Variants in PRELID2 observed in about 807,000 individuals in gnomAD.
PRELID2 encodes the protein PRELI domain-containing protein 2.
PRELID2 carries 25 observed loss-of-function variants against 28.4 expected under a neutral mutation model. The observed-to-expected ratio is 0.88, with a 90% CI of 0.64 to 1.23. The LOEUF (loss-of-function observed/expected upper bound fraction) is 1.23. PRELID2 is among the 50% of genes most tolerant of loss of function. The probability of loss-of-function intolerance (pLI) is 0.00; values close to 1 mark genes in which losing one functional copy is unlikely to be tolerated. For synonymous variants in PRELID2, 76 were observed against 71.6 expected (o/e 1.06, Z -0.31); for missense variants, 201 against 214.4 (o/e 0.94, Z 0.39).
intron 1 of PRELID2, among the ~76,000 whole-genome samples, chr5:145,591,029 C>A (rs1197394020): frequency 6.6e-6 from 1 of 152,162 alleles, no homozygotes; most frequent in Non-Finnish European, 1.5e-5. Flanking sequence ...GGCATGGTGG[C>A]TCATGCCTGT....
At chr5:145,608,898 A>G (rs1034141144) in intron 1 of PRELID2, among the ~76,000 whole-genome samples, 2 of 152,060 alleles carry the variant, frequency 1.3e-5, no homozygotes, top group African/African-American at 4.8e-5. Flanking sequence ...GATTTGGTCT[A>G]TTTACATAAT....
At chr5:145,705,936 G>T (rs868464938) in intron 1 of PRELID2, among the ~76,000 whole-genome samples, 3 of 111,206 alleles carry the variant, frequency 2.7e-5, no homozygotes, top group African/African-American at 6.1e-5. Flanking sequence ...ACACATGTGC[G>T]CCTACACACA....
In PRELID2 at chr5:145,817,206, A is replaced by ATATAT. The variant is rs1423577359; in HGVS notation, c.368+687_368+688insATATA. 1.6e-3 allele frequency among the ~76,000 whole-genome samples: 101 copies of ATATAT among 62,788 alleles called. 1 individual carries two copies. The highest frequency in any genetic ancestry group is 5.3e-3 in the East Asian group (15 of 2,836). 41.2% of individuals were successfully genotyped at this position (62,788 alleles called of 152,430 possible). A position where few individuals can be genotyped will look rare whatever the true frequency, so the allele number is the denominator to read the frequency against. ...ACTGCATTTCAAAAAAAAATAAATA[A>ATATAT]ATAAATAAAAAAAAATATATATATA... On this transcript the variant is annotated intron_variant, in intron 4 of 6. Coordinates refer to ENST00000683046, the MANE Select transcript of PRELID2 (RefSeq NM_205846.3).
At chr5:145,649,454 C>A (rs990201208) in intron 1 of PRELID2, among the ~76,000 whole-genome samples, 10 of 152,130 alleles carry the variant, frequency 6.6e-5, no homozygotes, top group Non-Finnish European at 5.9e-5. Flanking sequence ...TTAAGGTAGA[C>A]CAGTCTAAGT....
intron 5 of PRELID2, among the ~76,000 whole-genome samples, chr5:145,785,177 C>A (rs1751909228): frequency 6.6e-6 from 1 of 152,062 alleles, no homozygotes; most frequent in African/African-American, 2.4e-5. Context: ...CTTTAAAAAT[C>A]CTATAAAATG....
At chr5:145,665,798 T>C (rs1306486215) in intron 1 of PRELID2, among the ~76,000 whole-genome samples, 2 of 152,098 alleles carry the variant, frequency 1.3e-5, no homozygotes, top group Non-Finnish European at 2.9e-5. Flanking sequence ...TGAAATTCTA[T>C]ACATCTTTCA....
chr5:145,445,004 T>G, the PRELID2 span, among the ~76,000 whole-genome samples: 2 of 152,052 alleles, frequency 1.3e-5, no homozygotes, highest in African/African-American at 4.8e-5. Flanking sequence ...ACCAATGACA[T>G]TCTTCACAGA....
At chr5:145,290,522 T>C in the PRELID2 span, among the ~76,000 whole-genome samples, 1 of 149,390 alleles carries the variant, frequency 6.7e-6, no homozygotes, top group African/African-American at 2.5e-5. Flanking sequence ...ACACCACATG[T>C]TCTCACTCAT....
chr5:145,708,145 G>A (rs989940001), intron 1 of PRELID2, among the ~76,000 whole-genome samples: 1 of 152,030 alleles, frequency 6.6e-6, no homozygotes, highest in African/African-American at 2.4e-5. Context: ...GAACAGGCCC[G>A]CTCTTCCCCT....
the PRELID2 span, among the ~76,000 whole-genome samples, chr5:145,387,829 G>T: frequency 7.2e-4 from 109 of 152,076 alleles, 1 homozygote; most frequent in African/African-American, 2.5e-3. Context: ...CTATTCTGGA[G>T]GCTGAGGTGG....
At position 145,533,038 on chromosome 5, in the gene PRELID2, T is replaced by C. The variant is rs147923637; in HGVS notation, n.71-59723A>G. On this transcript the variant is annotated intron_variant and non_coding_transcript_variant, in intron 1 of 2. Transcript: ENST00000510259. ...TATTTAATTGTTTGAGAGACCTCCA[T>C]GCTGGTTTTCATAACAGCTGTACTG... Among the ~76,000 whole-genome samples the C allele has an allele frequency of 2.3e-3, 344 of 152,236 alleles. 1 individual carries two copies. Among genetic ancestry groups the C allele is most frequent in the African/African-American group, 7.8e-3 (325 of 41,572 alleles).
chr5:145,519,724 A>T (rs1752547213), intron 1 of PRELID2, among the ~76,000 whole-genome samples: 5 of 152,220 alleles, frequency 3.3e-5, no homozygotes, highest in Admixed American at 3.3e-4. Flanking sequence ...GTCTGAATTC[A>T]TAGGCTCTGA....
At chr5:145,263,937 C>T in the PRELID2 span, among the ~76,000 whole-genome samples, 1 of 151,986 alleles carries the variant, frequency 6.6e-6, no homozygotes, top group Non-Finnish European at 1.5e-5. Context: ...GTCACCCAGC[C>T]TGGAGTGCAG....
At chr5:145,770,108 A>T (rs1393864127) in intron 5 of PRELID2, among the ~76,000 whole-genome samples, 1 of 152,236 alleles carries the variant, frequency 6.6e-6, no homozygotes, top group Non-Finnish European at 1.5e-5. Flanking sequence ...TGCCAGTTGT[A>T]TAAAAGTATA....
At chr5:145,332,378 T>C in the PRELID2 span, among the ~76,000 whole-genome samples, 2 of 152,212 alleles carry the variant, frequency 1.3e-5, no homozygotes, top group East Asian at 3.9e-4. Flanking sequence ...CTTGATTCCA[T>C]TCTTCCCATC....
the PRELID2 span, among the ~76,000 whole-genome samples, chr5:145,385,009 G>C: frequency 6.6e-6 from 1 of 152,114 alleles, no homozygotes; most frequent in African/African-American, 2.4e-5. Flanking sequence ...CAGAACAGTA[G>C]TTTCTGATGA....
intron 1 of PRELID2, among the ~76,000 whole-genome samples, chr5:145,692,132 A>G (rs947387431): frequency 3.9e-5 from 6 of 152,118 alleles, no homozygotes; most frequent in African/African-American, 1.2e-4. Context: ...TACCTGGCTC[A>G]TATTTTCACA....
chr5:145,737,925 T>C (rs184199729), intron 1 of PRELID2, among the ~76,000 whole-genome samples: 60 of 152,320 alleles, frequency 3.9e-4, no homozygotes, highest in Admixed American at 2.6e-3. Context: ...CAGAAGGAGA[T>C]ACCTCTTTCC....
At chr5:145,372,668 C>A in the PRELID2 span, among the ~76,000 whole-genome samples, 2 of 151,304 alleles carry the variant, frequency 1.3e-5, no homozygotes, top group African/African-American at 4.9e-5. Flanking sequence ...AGGATTGCAA[C>A]CCCTGCTTCC....
Sources: allele counts gnomAD v4.1 joint callset (sites outside exome capture counted in the v4.1 genomes callset), GRCh38; gene constraint gnomAD v4.1.1; transcripts MANE v1.5; gene names NCBI Gene and HGNC (gene_info 2026-07-23, HGNC 2026-07-21).